NMU: variants seen among roughly 807,000 people sequenced by gnomAD.
NMU encodes neuromedin U.
Under a neutral mutation model 35.4 loss-of-function variants are expected in NMU, and 29 were observed. The ratio of observed to expected loss-of-function variants is 0.82; its 90% CI spans 0.61 to 1.12. NMU has a LOEUF of 1.12. NMU is among the 50% of genes most tolerant of loss of function. The pLI, the probability that NMU is intolerant of heterozygous loss-of-function variation, is 0.00. For missense variants in NMU, 199 were observed against 206.2 expected (o/e 0.97, Z 0.21); for synonymous variants, 78 against 81.3 (o/e 0.96, Z 0.22).
At chr4:55,625,586 G>A (rs1734493471) in intron 2 of NMU, among the ~76,000 whole-genome samples, 1 of 151,976 alleles carries the variant, frequency 6.6e-6, no homozygotes, top group African/African-American at 2.4e-5. Flanking sequence ...GGTACAAAGG[G>A]TACTCTTCTC....
In NMU at chr4:55,608,218, T is replaced by C. The variant is rs572185221; in HGVS notation, c.280-752A>G. Among the ~76,000 whole-genome samples, 185 of 152,040 alleles carry C rather than the reference T, an allele frequency of 1.2e-3. 1 individual carries two copies. Among genetic ancestry groups the C allele is most frequent in the African/African-American group, 4.1e-3 (171 of 41,510 alleles). On this transcript the variant is annotated intron_variant, in intron 4 of 9. Transcript: ENST00000264218. ...AATTTAAATCTTATAATTCCTTTTT[T>C]GTTGTTGTTCTTTCTCACTTGCTTT...
At chr4:55,626,195 C>T (rs183181254) in intron 2 of NMU, among the ~76,000 whole-genome samples, 5 of 152,320 alleles carry the variant, frequency 3.3e-5, no homozygotes, top group Non-Finnish European at 7.3e-5. Context: ...TAGAAAGTGA[C>T]ACTTTGCTCT....
rs1733121725 is a variant in NMU, at chr4:55,595,321, T to TTTTCA, written c.*94_*95insTGAAA. 2 of 152,256 alleles carry TTTTCA rather than the reference T, an allele frequency of 1.3e-5. No homozygotes were observed. The highest frequency in any genetic ancestry group is 2.9e-5 in the Non-Finnish European group (2 of 67,946). The allele number at this position is 152,256 out of a possible 1,614,324, so 9.4% of individuals were successfully genotyped here. ...GACAACACAGGGATTTTCAACAGAG[T>TTTTCA]ACATTTAGCAAGGATTTTTTTCAGA... is the stretch of plus-strand genomic sequence containing the variant. On this transcript the variant is annotated 3_prime_UTR_variant, in exon 10 of 10. Coordinates refer to ENST00000264218, the MANE Select transcript of NMU (RefSeq NM_006681.4).
intron 7 of NMU, among the ~76,000 whole-genome samples, chr4:55,601,745 G>C (rs1024592780): frequency 4.6e-5 from 7 of 152,076 alleles, no homozygotes; most frequent in Non-Finnish European, 1.0e-4. Context: ...TGAGCACTTT[G>C]GGAGGCTGAT....
intron 1 of NMU, among the ~76,000 whole-genome samples, chr4:55,632,127 T>C (rs1388082384): frequency 6.6e-6 from 1 of 151,554 alleles, no homozygotes; most frequent in African/African-American, 2.4e-5. Flanking sequence ...AAACATAGAG[T>C]AATGTAATGG....
At chr4:55,630,844 T>C (rs1219271885) in intron 1 of NMU, among the ~76,000 whole-genome samples, 1 of 151,832 alleles carries the variant, frequency 6.6e-6, no homozygotes, top group Non-Finnish European at 1.5e-5. Flanking sequence ...AAAATTCACA[T>C]AAAACCAAAA....
intron 2 of NMU, among the ~76,000 whole-genome samples, chr4:55,619,704 T>TG (rs2110204255): frequency 7.7e-6 from 1 of 130,652 alleles, no homozygotes; most frequent in South Asian, 3.2e-4. Flanking sequence ...GCTCCACCTC[T>TG]GGGGGCAGGG....
intron 3 of NMU, among the ~76,000 whole-genome samples, chr4:55,612,963 C>G (rs77370137): frequency 0.021 from 3,190 of 152,230 alleles, 50 homozygotes; most frequent in Non-Finnish European, 0.036. Flanking sequence ...CCACCGAATA[C>G]TACACAGCCA....
intron 1 of NMU, among the ~76,000 whole-genome samples, chr4:55,633,120 T>C (rs530536082): frequency 1.1e-4 from 17 of 151,926 alleles, no homozygotes; most frequent in Admixed American, 3.9e-4. Context: ...GTCAGGAGAT[T>C]GAGACGATCC....
intron 2 of NMU, among the ~76,000 whole-genome samples, chr4:55,619,570 C>A (rs552039353): frequency 7.1e-6 from 1 of 140,606 alleles, no homozygotes; most frequent in Admixed American, 7.2e-5. Context: ...AACTGCAAGG[C>A]GGCAGCGAGG....
In NMU at chr4:55,630,478, G is replaced by A; in HGVS notation, c.113-18C>T. 6.3e-7 allele frequency: 1 copy of A among 1,588,768 alleles called. No homozygotes were observed. Among genetic ancestry groups the A allele is most frequent in the Non-Finnish European group, 8.6e-7 (1 of 1,157,550 alleles). On this transcript the variant is annotated intron_variant, in intron 1 of 9. Transcript: ENST00000264218. ...TGGAGCACCTAAAAATAAAGTTGTA[G>A]CCACAGATTAATTTTATAGCATTTC...
At chr4:55,619,594 G>A (rs1213861530) in intron 2 of NMU, among the ~76,000 whole-genome samples, 1 of 133,192 alleles carries the variant, frequency 7.5e-6, no homozygotes, top group Non-Finnish European at 1.6e-5. Context: ...GGGGAGGGGC[G>A]CCCGCCATTG....
chr4:55,631,028 T>C lies in NMU; in HGVS notation c.113-568A>G, dbSNP rs116435693. Among the ~76,000 whole-genome samples the C allele has an allele frequency of 1.0e-3, 159 of 152,108 alleles. 1 individual carries two copies. Among genetic ancestry groups the C allele is most frequent in the African/African-American group, 3.7e-3 (155 of 41,530 alleles). On this transcript the variant is annotated intron_variant, in intron 1 of 9. Transcript: ENST00000264218. ...TAGAGAACAAAGAAAGAAAGCCAAA[T>C]ACTTAAAACCAACTATTCTTCAACA...
At chr4:55,611,648 C>A (rs1733937050) in intron 3 of NMU, among the ~76,000 whole-genome samples, 1 of 152,080 alleles carries the variant, frequency 6.6e-6, no homozygotes, top group African/African-American at 2.4e-5. Context: ...ATTTACTGTA[C>A]CTTTTCTACA....
intron 3 of NMU, among the ~76,000 whole-genome samples, chr4:55,610,440 G>A (rs1483367307): frequency 1.3e-5 from 2 of 151,322 alleles, no homozygotes; most frequent in Non-Finnish European, 2.9e-5. Context: ...TCCAGCCTGG[G>A]TGATGGAGTG....
At chr4:55,611,667 T>C (rs1733937475) in intron 3 of NMU, among the ~76,000 whole-genome samples, 1 of 152,216 alleles carries the variant, frequency 6.6e-6, no homozygotes, top group Admixed American at 6.5e-5. Flanking sequence ...CATTTAGATA[T>C]GTTTAATTAC....
chr4:55,612,498 T>C (rs2110196937), intron 3 of NMU, among the ~76,000 whole-genome samples: 1 of 152,310 alleles, frequency 6.6e-6, no homozygotes, highest in Non-Finnish European at 1.5e-5. Context: ...GTCAAAAATG[T>C]ATTTCACCTC....
Position 55,618,643 on chromosome 4 carries a change from CTCTT to C in NMU, c.172-2262_172-2259del, listed in dbSNP as rs144412161. ...TCCTCTTTCTTCTTTCTTTTCTTCT[CTCTT>C]TCTTTCTCATCTTTCTTCTCTCTCT... On this transcript the variant is annotated intron_variant, in intron 2 of 9. Transcript: ENST00000264218. Among the ~76,000 whole-genome samples, 52 of 149,090 alleles carry C rather than the reference CTCTT, an allele frequency of 3.5e-4. No individual in the cohort carries two copies. The East Asian group carries it at 7.1e-3, about 20-fold the overall frequency.
At chr4:55,599,087 A>C (rs1207294722) in intron 9 of NMU, 55 bp downstream of exon 9, 2 of 1,155,616 alleles carry the variant, frequency 1.7e-6, no homozygotes, top group East Asian at 5.1e-5. Flanking sequence ...ACTGTGTTGA[A>C]CTGTGAAATG....
Sources: allele counts gnomAD v4.1 joint callset (sites outside exome capture counted in the v4.1 genomes callset), GRCh38; gene constraint gnomAD v4.1.1; transcripts MANE v1.5; gene names NCBI Gene and HGNC (gene_info 2026-07-23, HGNC 2026-07-21).